The following GRINA variants were observed in gnomAD, a reference collection of about 807,000 sequenced individuals.
GRINA encodes glutamate ionotropic receptor NMDA type subunit associated protein 1.
A neutral mutation model predicts 42.5 loss-of-function variants in GRINA; 26 were observed. The observed-to-expected ratio is 0.61, with a 90% CI of 0.45 to 0.85. The LOEUF (loss-of-function observed/expected upper bound fraction) is 0.85. GRINA is among the 40% of genes least tolerant of loss of function. The pLI is 0.00. For synonymous variants in GRINA, 256 were observed against 204.2 expected (o/e 1.25, Z -2.17); for missense variants, 475 against 481.5 (o/e 0.99, Z 0.13).
At chr8:143,992,201 A>G (rs1554750646) in intron 4 of GRINA, 44 bp from the exon 5 acceptor site, 1 of 1,601,170 alleles carries the variant, frequency 6.2e-7, no homozygotes, top group East Asian at 2.2e-5. Context: ...CAGGGGTGGC[A>G]TGGGGGCACA....
At position 143,992,937 on chromosome 8, in the gene GRINA, TC is replaced by T; in HGVS notation, c.*100del. ...CCAGCTGTACTTCCCCTCTCTCTTG[TC>T]CCCAGGCACAGCCTAGGGAAAAGGA... On this transcript the variant is annotated 3_prime_UTR_variant, in exon 7 of 7. Transcript: ENST00000395068. The T allele has an allele frequency of 9.6e-7, 1 of 1,045,470 alleles. No homozygotes were observed. The allele number at this position is 1,045,470 out of a possible 1,614,324, so 64.8% of individuals were successfully genotyped here.
Position 143,991,419 on chromosome 8 carries a change from C to A in GRINA, c.196C>A (p.Gln66Lys). ...CCCCCATGGCCCCAGCCCCTACCCC[C>A]AAGGGGGCTACCCACAGGGTCCCTA... is the stretch of plus-strand genomic sequence containing the variant. ...GYPHGPSPYP[Q>K]GGYPQGPYPQ... The change falls in exon 2 of 7, where the codon CAA becomes AAA. Residue 66 changes from glutamine (Q) to lysine (K), a missense_variant. Transcript: ENST00000395068. The A allele has an allele frequency of 7.2e-7, 1 of 1,387,564 alleles. No homozygotes were observed. Among genetic ancestry groups the A allele is most frequent in the Non-Finnish European group, 9.6e-7 (1 of 1,039,718 alleles). The allele number at this position is 1,387,564 out of a possible 1,614,324, so 86.0% of individuals were successfully genotyped here. A position where few individuals can be genotyped will look rare whatever the true frequency, so the allele number is the denominator to read the frequency against.
In GRINA at chr8:143,992,561, A is replaced by C; in HGVS notation, c.919A>C (p.Ile307Leu). The change falls in exon 6 of 7, where the codon ATC becomes CTC. Residue 307 changes from isoleucine (I) to leucine (L), a missense_variant. By Grantham distance (5) the Ile-to-Leu change is conservative. Coordinates refer to ENST00000395068, the MANE Select transcript of GRINA (RefSeq NM_001009184.2). ...AILCIFIRNR[I>L]LEIVYASLGA... The stretch of plus-strand genomic sequence containing the variant: ...TCTCTGCATCTTCATCCGGAACCGC[A>C]TCCTGGAGATCGTGTACGCCTCACT... 1 of 1,614,172 alleles carries C rather than the reference A, an allele frequency of 6.2e-7. No homozygotes were observed. The highest frequency in any genetic ancestry group is 2.2e-5 in the East Asian group (1 of 44,886).
chr8:143,991,939 T>C lies in GRINA; in HGVS notation c.554T>C (p.Phe185Ser), dbSNP rs1564257735. The change falls in exon 4 of 7, where the codon TTT (phenylalanine) becomes TCT (serine). Residue 185 changes from phenylalanine to serine, a missense_variant. Physicochemically the swap from Phe to Ser is radical, Grantham distance 155 (BLOSUM62 -2). Around this residue, in one of 2 missense-constraint regions of GRINA, gnomAD observed 321 missense variants for 267.2 expected, o/e 1.20. Transcript: ENST00000395068. The part of the protein sequence containing the change: ...VTLSTVSVFT[F>S]VAEVKGFVRE... ...CTGTCCACGGTGTCTGTGTTCACTT[T>C]TGTTGCGGAGGTGAAGGGCTTTGTC... 6.2e-7 allele frequency: 1 copy of C among 1,613,848 alleles called. No homozygotes were observed. Among genetic ancestry groups the C allele is most frequent in the Non-Finnish European group, 8.5e-7 (1 of 1,179,854 alleles).
chr8:143,992,789 T>C lies in GRINA; in HGVS notation c.1064T>C (p.Ile355Thr), dbSNP rs1834122881. Residue 355 changes from isoleucine to threonine, a missense_variant, in exon 7 of 7, where the codon ATC becomes ACC. Ile to Thr is a moderately conservative substitution (Grantham distance 89, BLOSUM62 -1). Transcript: ENST00000395068. ...VFAALNLYTD[I>T]INIFLYILTI... The stretch of plus-strand genomic sequence containing the variant: ...GCTGCGCTGAACCTGTACACAGACA[T>C]CATCAACATCTTCCTGTACATCCTC... The C allele has an allele frequency of 6.2e-7, 1 of 1,613,718 alleles. No homozygotes were observed. Among genetic ancestry groups the C allele is most frequent in the Non-Finnish European group, 8.5e-7 (1 of 1,179,888 alleles).
Position 143,992,520 on chromosome 8 carries a change from T to C in GRINA, c.878T>C (p.Leu293Pro). Residue 293 changes from leucine (L) to proline (P), a missense_variant, in exon 6 of 7, where the codon CTC (leucine) becomes CCC (proline). Physicochemically the swap from Leu to Pro is moderately conservative, Grantham distance 98. Around this residue, in one of 2 missense-constraint regions of GRINA, gnomAD observed 154 missense variants for 214.2 expected, o/e 0.72. Coordinates refer to ENST00000395068, the MANE Select transcript of GRINA (RefSeq NM_001009184.2). ...GTGCTCCTGGTGAGCATGGTGGTGC[T>C]CTTCATCTTCGCCATTCTCTGCATC... ...MGVLLVSMVV[L>P]FIFAILCIFI... The C allele has an allele frequency of 6.2e-7, 1 of 1,614,176 alleles. No individual in the cohort carries two copies. The highest frequency in any genetic ancestry group is 1.1e-5 in the South Asian group (1 of 91,088).
Position 143,991,737 on chromosome 8 carries a change from A to G in GRINA, c.425A>G (p.Tyr142Cys), listed in dbSNP as rs1554750540. ...CAGGAGGAGGGTCCCCCATCCTACT[A>G]TGACAACCAGGACTTCCCTGCCACC... Reference protein sequence around the residue: ...NYQEEGPPSYYDNQDFPATNW... With the variant: ...NYQEEGPPSYCDNQDFPATNW... The change falls in exon 3 of 7, where the codon TAT (tyrosine) becomes TGT (cysteine). Residue 142 changes from tyrosine (Y) to cysteine (C), a missense_variant. Coordinates refer to ENST00000395068, the MANE Select transcript of GRINA (RefSeq NM_001009184.2). 2.5e-6 allele frequency: 4 copies of G among 1,613,822 alleles called. No homozygotes were observed. Among genetic ancestry groups the G allele is most frequent in the South Asian group, 1.1e-5 (1 of 91,088 alleles).
Position 143,992,624 on chromosome 8 carries a change from C to G in GRINA, c.966+16C>G. ...CTTCACCTGCGTGAGTGAGGGGTGACCTTGGCCGGGGGCGGGATGCTGGGC... is the reference window on the plus strand; with the variant it reads ...CTTCACCTGCGTGAGTGAGGGGTGAGCTTGGCCGGGGGCGGGATGCTGGGC... On this transcript the variant is annotated intron_variant, in intron 6 of 6. Coordinates refer to ENST00000395068, the MANE Select transcript of GRINA (RefSeq NM_001009184.2). 6.2e-7 allele frequency: 1 copy of G among 1,614,104 alleles called. No individual in the cohort carries two copies. The highest frequency in any genetic ancestry group is 8.5e-7 in the Non-Finnish European group (1 of 1,180,012).
At position 143,993,104 on chromosome 8, in the gene GRINA, A is replaced by G; in HGVS notation, c.*263A>G. ...TTTCCGTGCCACCTCCTGTCTACTC[A>G]TTGTTGCATGAGCCCTGTCTGCCAG... On this transcript the variant is annotated 3_prime_UTR_variant, in exon 7 of 7. Transcript: ENST00000395068. The G allele has an allele frequency of 4.3e-6, 2 of 460,758 alleles. No individual in the cohort carries two copies. Among genetic ancestry groups the G allele is most frequent in the Admixed American group, 3.8e-5 (1 of 26,174 alleles). The allele number at this position is 460,758 out of a possible 1,614,324, so 28.5% of individuals were successfully genotyped here. A position where few individuals can be genotyped will look rare whatever the true frequency, so the allele number is the denominator to read the frequency against.
rs782184813 is a variant in GRINA, at chr8:143,991,374, C to T, written c.151C>T (p.Pro51Ser). 28 of 1,211,114 alleles carry T rather than the reference C, an allele frequency of 2.3e-5. No individual in the cohort carries two copies. Among genetic ancestry groups the T allele is most frequent in the East Asian group, 2.5e-5 (1 of 39,950 alleles). 75.0% of individuals were successfully genotyped at this position (1,211,114 alleles called of 1,614,324 possible). Residue 51 changes from proline to serine, a missense_variant, in exon 2 of 7, where the codon CCC (proline) becomes TCC (serine). Transcript: ENST00000395068. The part of the protein sequence containing the change: ...PYPQPPFQPS[P>S]YGQPGYPHGP... ...CCCACAGCCCCCTTTCCAGCCCTCC[C>T]CCTACGGTCAGCCAGGGTACCCCCA...
At position 143,992,891 on chromosome 8, in the gene GRINA, C is replaced by T. The variant is rs1241274561; in HGVS notation, c.*50C>T. ...CTCAGGTGGCACGGCTGGCCTGGAC[C>T]CTGCCCCTGGCACGGCAGTGCCAGC... On this transcript the variant is annotated 3_prime_UTR_variant, in exon 7 of 7. Transcript: ENST00000395068. The T allele has an allele frequency of 1.9e-6, 3 of 1,569,094 alleles. No homozygotes were observed. The highest frequency in any genetic ancestry group is 2.6e-6 in the Non-Finnish European group (3 of 1,150,676).
chr8:143,992,254 ACCGCCAG>A lies in GRINA; in HGVS notation c.706_712del (p.Ala236CysfsTer7). The stretch of plus-strand genomic sequence containing the variant: ...TGTCTCCCAACTGCAGTCGGTCCTG[ACCGCCAG>A]CCTGTCGTACATGGTGGGGATGATC... On this transcript the variant is annotated frameshift_variant, in exon 5 of 7. Coordinates refer to ENST00000395068, the MANE Select transcript of GRINA (RefSeq NM_001009184.2). LOFTEE classifies it high-confidence loss of function. The A allele has an allele frequency of 6.2e-7, 1 of 1,602,958 alleles. No individual in the cohort carries two copies. Among genetic ancestry groups the A allele is most frequent in the Non-Finnish European group, 8.5e-7 (1 of 1,173,626 alleles).
Position 143,991,510 on chromosome 8 carries a change from A to T in GRINA, c.287A>T (p.Gln96Leu). 3.2e-6 allele frequency: 5 copies of T among 1,542,058 alleles called. No homozygotes were observed. The highest frequency in any genetic ancestry group is 4.4e-6 in the Non-Finnish European group (5 of 1,145,974). Reference sequence around the variant, plus strand: ...GGCTACCCACAGGGCCCCTACCCCCAAGGGGGCTACCCCCAGGGGCCATAT... The same window carrying T: ...GGCTACCCACAGGGCCCCTACCCCCTAGGGGGCTACCCCCAGGGGCCATAT... The part of the protein sequence containing the change: ...QEGYPQGPYP[Q>L]GGYPQGPYPQ... The change falls in exon 2 of 7, where the codon CAA (glutamine) becomes CTA (leucine). Residue 96 changes from glutamine to leucine, a missense_variant. Gln to Leu is a moderately radical substitution (Grantham distance 113). Coordinates refer to ENST00000395068, the MANE Select transcript of GRINA (RefSeq NM_001009184.2).
At position 143,991,215 on chromosome 8, in the gene GRINA, C is replaced by T. The variant is rs370888238; in HGVS notation, c.-9C>T. The T allele has an allele frequency of 4.5e-6, 7 of 1,564,928 alleles. No homozygotes were observed. The African/African-American group carries it at 8.3e-5, about 19-fold the overall frequency. The stretch of plus-strand genomic sequence containing the variant: ...TCTTCTCTAGGGGCGGACCGCGGAA[C>T]CCGAGGCCATGTCCCATGAAAAGAG... On this transcript the variant is annotated 5_prime_UTR_variant, in exon 2 of 7. Coordinates refer to ENST00000395068, the MANE Select transcript of GRINA (RefSeq NM_001009184.2).
At position 143,992,702 on chromosome 8, in the gene GRINA, T is replaced by C; in HGVS notation, c.977T>C (p.Val326Ala). ...GALLFTCFLA[V>A]DTQLLLGNKQ... is the part of the protein sequence containing the mutation. ...TGCTGTCACCTCCAGTTCCTCGCAG[T>C]GGACACCCAGCTGCTACTGGGGAAC... Residue 326 changes from valine to alanine, a missense_variant, in exon 7 of 7, where the codon GTG (valine) becomes GCG (alanine). By Grantham distance (64) the Val-to-Ala change is moderately conservative. Transcript: ENST00000395068. 1 of 1,613,946 alleles carries C rather than the reference T, an allele frequency of 6.2e-7. No homozygotes were observed. Among genetic ancestry groups the C allele is most frequent in the Non-Finnish European group, 8.5e-7 (1 of 1,179,948 alleles).
Position 143,991,374 on chromosome 8 carries a change from C to G in GRINA, c.151C>G (p.Pro51Ala). ...CCCACAGCCCCCTTTCCAGCCCTCC[C>G]CCTACGGTCAGCCAGGGTACCCCCA... The part of the protein sequence containing the change: ...PYPQPPFQPS[P>A]YGQPGYPHGP... Residue 51 changes from proline (P) to alanine (A), a missense_variant, in exon 2 of 7, where the codon CCC becomes GCC. This residue lies in a region of GRINA where 321 missense variants were observed against 267.2 expected (regional missense o/e 1.20). Transcript: ENST00000395068. 8.3e-7 allele frequency: 1 copy of G among 1,211,232 alleles called. No individual in the cohort carries two copies. Among genetic ancestry groups the G allele is most frequent in the Non-Finnish European group, 1.2e-6 (1 of 867,852 alleles). The allele number at this position is 1,211,232 out of a possible 1,614,324, so 75.0% of individuals were successfully genotyped here. A position where few individuals can be genotyped will look rare whatever the true frequency, so the allele number is the denominator to read the frequency against.
chr8:143,991,268 TCC>T lies in GRINA; in HGVS notation c.50_51del (p.Pro17GlnfsTer109). On this transcript the variant is annotated frameshift_variant, in exon 2 of 7. Coordinates refer to ENST00000395068, the MANE Select transcript of GRINA (RefSeq NM_001009184.2). LOFTEE classifies it high-confidence loss of function. ...TTTTGGTGTCTGGGGACAACTATCC[TCC>T]CCCCAACCCTGGATATCCGGGGGGG... ...SFLVSGDNYP[P>X]PNPGYPGGPQ... The T allele has an allele frequency of 6.4e-7, 1 of 1,552,714 alleles. No homozygotes were observed. The highest frequency in any genetic ancestry group is 8.8e-7 in the Non-Finnish European group (1 of 1,139,502).
rs1457122728 is a variant in GRINA, at chr8:143,992,022, G to A, written c.637G>A (p.Val213Ile). 8 of 1,613,740 alleles carry A rather than the reference G, an allele frequency of 5.0e-6. No homozygotes were observed. The highest frequency in any genetic ancestry group is 1.3e-5 in the African/African-American group (1 of 74,852). The change falls in exon 4 of 7, where the codon GTC becomes ATC. Residue 213 changes from valine (V) to isoleucine (I), a missense_variant. This residue lies in a region of GRINA where 321 missense variants were observed against 267.2 expected (regional missense o/e 1.20). Coordinates refer to ENST00000395068, the MANE Select transcript of GRINA (RefSeq NM_001009184.2). ...SYAVFFISLI[V>I]LSCCGDFRRK... ...TGCTGTCTTCTTCATCTCTCTCATCGTCCTCAGCTGTTGTGGGGACTTCCG... is the reference window on the plus strand; with the variant it reads ...TGCTGTCTTCTTCATCTCTCTCATCATCCTCAGCTGTTGTGGGGACTTCCG...
At position 143,990,997 on chromosome 8, in the gene GRINA, G is replaced by T; in HGVS notation, c.-24-203G>T. 1 of 380,310 alleles carries T rather than the reference G, an allele frequency of 2.6e-6. No homozygotes were observed. Among genetic ancestry groups the T allele is most frequent in the Non-Finnish European group, 4.7e-6 (1 of 210,538 alleles). The allele number at this position is 380,310 out of a possible 1,614,324, so 23.6% of individuals were successfully genotyped here. A position where few individuals can be genotyped will look rare whatever the true frequency, so the allele number is the denominator to read the frequency against. The stretch of plus-strand genomic sequence containing the variant: ...CACCCTAAAGGCGGCCTAGAGCCCT[G>T]GGAAGGCCCCACGGCGCCGCCCGTC... On this transcript the variant is annotated intron_variant, in intron 1 of 6. Coordinates refer to ENST00000395068, the MANE Select transcript of GRINA (RefSeq NM_001009184.2). The surrounding 1 kb of genome is among the most constrained non-coding windows in gnomAD (Gnocchi z 5.6).
Sources: gnomAD v4.1 joint callset for allele counts on GRCh38, gnomAD v4.1.1 for gene constraint, gnomAD v4.1.1 regional missense constraint, Gnocchi (gnomAD v3.1) non-coding constraint, MANE v1.5 for transcripts, NCBI Gene and HGNC (gene_info 2026-07-23, HGNC 2026-07-21) for gene names.